Variants in NDST4 observed in about 807,000 individuals in gnomAD.
NDST4 encodes the protein N-heparan sulfate sulfotransferase 4.
Under a neutral mutation model 100.8 loss-of-function variants are expected in NDST4, and 63 were observed. That is an observed-to-expected ratio of 0.62 (90% CI 0.51 to 0.77). The LOEUF is 0.77. Ranked by LOEUF, NDST4 falls within the 30% of genes least tolerant of loss-of-function variation. The pLI, the probability that NDST4 is intolerant of heterozygous loss-of-function variation, is 0.00. For missense variants in NDST4, 943 were observed against 1,018.4 expected, an observed-to-expected ratio of 0.93 and a Z score of 1.01; for synonymous variants, 377 against 361.8, an observed-to-expected ratio of 1.04 and a Z score of -0.48.
chr4:114,916,824 C>T (rs1188298587), intron 6 of NDST4, among the ~76,000 whole-genome samples: 3 of 151,792 alleles, frequency 2.0e-5, no homozygotes, highest in East Asian at 1.9e-4. Context: ...CTGGCTTCAG[C>T]AAATCTTACG....
intron 6 of NDST4, among the ~76,000 whole-genome samples, chr4:114,894,944 A>T (rs1456801727): frequency 6.6e-6 from 1 of 152,052 alleles, no homozygotes; most frequent in African/African-American, 2.4e-5. Context: ...AGAGTTTTTA[A>T]CATGAAGGGG....
At chr4:114,911,047 T>A (rs1425258964) in intron 6 of NDST4, among the ~76,000 whole-genome samples, 1 of 152,226 alleles carries the variant, frequency 6.6e-6, no homozygotes, top group African/African-American at 2.4e-5. Flanking sequence ...CAGATTGTTT[T>A]AAAACGTAAT....
At chr4:115,102,437 T>C (rs1022650025) in intron 1 of NDST4, among the ~76,000 whole-genome samples, 1 of 152,116 alleles carries the variant, frequency 6.6e-6, no homozygotes, top group Non-Finnish European at 1.5e-5. Context: ...TATTAAAATA[T>C]CAATGATAAC....
Position 114,870,948 on chromosome 4 carries a change from G to T in NDST4, c.1539C>A (p.Ile513=), listed in dbSNP as rs768440697. 2 of 1,595,286 alleles carry T rather than the reference G, an allele frequency of 1.3e-6. No homozygotes were observed. The highest frequency in any genetic ancestry group is 1.7e-6 in the Non-Finnish European group (2 of 1,171,136). The part of the protein sequence containing the change: ...ELFLTILLNP[I]SIFMTHLSNY... The stretch of plus-strand genomic sequence containing the variant: ...TTGATAAATGGGTCATGAAAATGCT[G>T]ATCTGAAAGATAAATAAAAATGACC... The change falls in exon 7 of 14, where the codon ATC becomes ATA. Residue 513 remains isoleucine, a splice_region_variant and synonymous_variant. Coordinates refer to ENST00000264363, the MANE Select transcript of NDST4 (RefSeq NM_022569.3).
chr4:115,070,747 G>A (rs1170173800), intron 2 of NDST4, among the ~76,000 whole-genome samples: 2 of 152,084 alleles, frequency 1.3e-5, no homozygotes, highest in Non-Finnish European at 2.9e-5. Flanking sequence ...AAGATATATT[G>A]TAGATAGCTT....
intron 7 of NDST4, among the ~76,000 whole-genome samples, chr4:114,854,593 C>G (rs1410418635): frequency 6.6e-6 from 1 of 152,058 alleles, no homozygotes; most frequent in Non-Finnish European, 1.5e-5. Flanking sequence ...CCCAGCCTCC[C>G]GAGTAGCTGG....
At chr4:114,844,998 C>T (rs1723512620) in intron 10 of NDST4, among the ~76,000 whole-genome samples, 1 of 151,926 alleles carries the variant, frequency 6.6e-6, no homozygotes, top group African/African-American at 2.4e-5. Context: ...ACTTTCTTGC[C>T]AGCAGAGAAA....
At chr4:114,971,209 A>G (rs569611335) in intron 3 of NDST4, among the ~76,000 whole-genome samples, 3 of 152,236 alleles carry the variant, frequency 2.0e-5, no homozygotes, top group African/African-American at 7.2e-5. Flanking sequence ...AATGTTATAC[A>G]TATCAAATTT....
At chr4:115,005,286 A>G (rs183379538) in intron 2 of NDST4, among the ~76,000 whole-genome samples, 225 of 152,294 alleles carry the variant, frequency 1.5e-3, no homozygotes, top group African/African-American at 5.2e-3. Flanking sequence ...AACACATTAC[A>G]TAATATCATA....
rs989554082 is a variant in NDST4, at chr4:114,967,532, C to A, written c.1221+2898G>T. 4.6e-5 allele frequency among the ~76,000 whole-genome samples: 7 copies of A among 152,098 alleles called. No homozygotes were observed. The East Asian group carries it at 1.4e-3, about 29-fold the overall frequency. On this transcript the variant is annotated intron_variant, in intron 4 of 13. Coordinates refer to ENST00000264363, the MANE Select transcript of NDST4 (RefSeq NM_022569.3). Reference sequence around the variant, plus strand: ...GAAATCAACCATTATGAAATATAACCTATATCCCTAAAACGCAAGGCTCTA... The same window carrying A: ...GAAATCAACCATTATGAAATATAACATATATCCCTAAAACGCAAGGCTCTA...
chr4:114,880,467 C>G (rs1413889572), intron 6 of NDST4, among the ~76,000 whole-genome samples: 1 of 152,082 alleles, frequency 6.6e-6, no homozygotes, highest in African/African-American at 2.4e-5. Context: ...AAATTCATAA[C>G]CCCAGGAATA....
At chr4:114,994,859 G>GA (rs1727125721) in intron 2 of NDST4, among the ~76,000 whole-genome samples, 1 of 151,936 alleles carries the variant, frequency 6.6e-6, no homozygotes, top group Non-Finnish European at 1.5e-5. Flanking sequence ...TAACTAACCA[G>GA]AAAATGACAG....
At chr4:115,103,354 A>C (rs1729773520) in intron 1 of NDST4, among the ~76,000 whole-genome samples, 1 of 152,174 alleles carries the variant, frequency 6.6e-6, no homozygotes, top group African/African-American at 2.4e-5. Context: ...ACTGTTAAAC[A>C]GCTAATATGA....
chr4:115,089,335 A>ATTT (rs1024880591), intron 1 of NDST4, among the ~76,000 whole-genome samples: 4 of 151,034 alleles, frequency 2.6e-5, no homozygotes, highest in African/African-American at 9.7e-5. Context: ...ATATTATTTC[A>ATTT]TTTTTTTCAA....
intron 2 of NDST4, among the ~76,000 whole-genome samples, chr4:115,059,117 C>G (rs1387491547): frequency 1.3e-5 from 2 of 151,694 alleles, no homozygotes; most frequent in Non-Finnish European, 2.9e-5. Flanking sequence ...ATGAGTAACT[C>G]CAAAATGTAA....
intron 7 of NDST4, among the ~76,000 whole-genome samples, chr4:114,870,556 C>G (rs1326836248): frequency 6.6e-6 from 1 of 152,006 alleles, no homozygotes. Context: ...AAGCAACCAA[C>G]CAAACAAAAA....
chr4:115,067,080 C>T (rs905946720), intron 2 of NDST4, among the ~76,000 whole-genome samples: 1 of 152,192 alleles, frequency 6.6e-6, no homozygotes, highest in Non-Finnish European at 1.5e-5. Flanking sequence ...CCCGCAAGCC[C>T]GGGCCATTGC....
At chr4:114,859,686 C>G (rs1321526383) in intron 7 of NDST4, among the ~76,000 whole-genome samples, 2 of 152,288 alleles carry the variant, frequency 1.3e-5, no homozygotes, top group East Asian at 3.9e-4. Flanking sequence ...CAGGGGATAG[C>G]CCACCTCCAG....
At chr4:114,916,037 C>T (rs749065280) in intron 6 of NDST4, among the ~76,000 whole-genome samples, 10 of 152,084 alleles carry the variant, frequency 6.6e-5, no homozygotes, top group Non-Finnish European at 1.3e-4. Flanking sequence ...GAAGAAATGG[C>T]ACAACCTGTT....
Sources: gnomAD v4.1 joint callset for allele counts (sites outside exome capture counted in the v4.1 genomes callset) on GRCh38, gnomAD v4.1.1 for gene constraint, MANE v1.5 for transcripts, NCBI Gene and HGNC (gene_info 2026-07-23, HGNC 2026-07-21) for gene names.